Variants in SMYD4 observed in about 807,000 individuals in gnomAD.
SMYD4 encodes SET and MYND domain containing 4.
A neutral mutation model predicts 72.8 loss-of-function variants in SMYD4; 68 were observed. The ratio of observed to expected loss-of-function variants is 0.93; its 90% CI spans 0.77 to 1.14. SMYD4 has a LOEUF of 1.14. SMYD4 is among the 50% of genes most tolerant of loss of function. The probability of loss-of-function intolerance (pLI) is 0.00; values close to 1 mark genes in which losing one functional copy is unlikely to be tolerated. For missense variants in SMYD4, 984 were observed against 1,003.7 expected (o/e 0.98, Z 0.27); for synonymous variants, 407 against 388.6 (o/e 1.05, Z -0.56).
intron 5 of SMYD4, among the ~76,000 whole-genome samples, chr17:1,793,693 G>A (rs572752624): frequency 2.6e-4 from 40 of 152,138 alleles, no homozygotes; most frequent in South Asian, 8.3e-4. Context: ...AACTTATAGG[G>A]ATGGGAGAAA....
chr17:1,790,315 T>C (rs554590232), intron 5 of SMYD4, among the ~76,000 whole-genome samples: 3 of 152,328 alleles, frequency 2.0e-5, no homozygotes, highest in South Asian at 4.1e-4. Context: ...AATAGCTCTC[T>C]AATTATTTCT....
chr17:1,817,000 T>TGTGG (rs1383593419), intron 2 of SMYD4, among the ~76,000 whole-genome samples: 1 of 152,068 alleles, frequency 6.6e-6, no homozygotes, highest in Non-Finnish European at 1.5e-5. Flanking sequence ...TCTCCCATTC[T>TGTGG]GTGGGTTATC....
rs1597361032 is a variant in SMYD4, at chr17:1,781,074, C to T, written c.*212G>A. 6 of 446,064 alleles carry T rather than the reference C, an allele frequency of 1.3e-5. No individual in the cohort carries two copies. The East Asian group carries it at 3.2e-4, about 24-fold the overall frequency. 27.6% of individuals were successfully genotyped at this position (446,064 alleles called of 1,614,324 possible). A position where few individuals can be genotyped will look rare whatever the true frequency, so the allele number is the denominator to read the frequency against. On this transcript the variant is annotated 3_prime_UTR_variant, in exon 11 of 11. Coordinates refer to ENST00000305513, the MANE Select transcript of SMYD4 (RefSeq NM_052928.3). ...AGCTGGGATTACAGGTGCCCACCAC[C>T]ACGCCTGGCTAGTTTTTTGTATTTT... is the stretch of plus-strand genomic sequence containing the variant.
intron 7 of SMYD4, among the ~76,000 whole-genome samples, chr17:1,786,309 C>G (rs765511424): frequency 5.3e-5 from 8 of 152,224 alleles, no homozygotes; most frequent in Non-Finnish European, 1.2e-4. Flanking sequence ...GAAAATGAAG[C>G]TGAGAGGGGT....
At chr17:1,786,196 G>T (rs1182172649) in intron 7 of SMYD4, among the ~76,000 whole-genome samples, 1 of 152,162 alleles carries the variant, frequency 6.6e-6, no homozygotes, top group African/African-American at 2.4e-5. Context: ...TGTTTGAGTG[G>T]CATGTGCTCT....
chr17:1,828,140 G>A (rs1319592464), intron 1 of SMYD4, 134 bp from the exon 2 acceptor site: 2 of 734,850 alleles, frequency 2.7e-6, no homozygotes, highest in Non-Finnish European at 4.3e-6. Context: ...CACGAGGTCA[G>A]GAGATGGAGA....
chr17:1,781,631 A>G (rs1908369677), intron 10 of SMYD4, 192 bp from the exon 11 acceptor site: 5 of 490,622 alleles, frequency 1.0e-5, no homozygotes, highest in Non-Finnish European at 1.7e-5. Flanking sequence ...TATAAAAGAT[A>G]GTATAGACGC....
chr17:1,813,445 T>C (rs746164796), intron 2 of SMYD4, among the ~76,000 whole-genome samples: 6 of 151,744 alleles, frequency 4.0e-5, no homozygotes, highest in Admixed American at 6.6e-5. Context: ...GGAGACAGAG[T>C]CTCACTTTGT....
chr17:1,822,505 C>T (rs1910948306), intron 2 of SMYD4, among the ~76,000 whole-genome samples: 1 of 152,176 alleles, frequency 6.6e-6, no homozygotes, highest in Non-Finnish European at 1.5e-5. Flanking sequence ...ATAATTCCTA[C>T]ATTATATAAG....
At chr17:1,791,548 AAG>A in intron 5 of SMYD4, among the ~76,000 whole-genome samples, 1 of 152,338 alleles carries the variant, frequency 6.6e-6, no homozygotes, top group Middle Eastern at 3.4e-3. Flanking sequence ...GGGATATAAC[AAG>A]ATTAGAAATA....
intron 2 of SMYD4, among the ~76,000 whole-genome samples, chr17:1,821,516 AAAAAAC>A (rs1443945072): frequency 3.9e-5 from 6 of 152,202 alleles, no homozygotes; most frequent in African/African-American, 1.4e-4. Flanking sequence ...CTCTGTCTCA[AAAAAAC>A]AAAAACAAAA....
At chr17:1,788,372 A>T (rs990491081) in intron 5 of SMYD4, among the ~76,000 whole-genome samples, 6 of 152,088 alleles carry the variant, frequency 3.9e-5, no homozygotes, top group Admixed American at 1.3e-4. Flanking sequence ...ATAAAAATTT[A>T]AAAAAAGTTT....
At chr17:1,824,525 C>A (rs1472532606) in intron 2 of SMYD4, among the ~76,000 whole-genome samples, 1 of 152,072 alleles carries the variant, frequency 6.6e-6, no homozygotes, top group African/African-American at 2.4e-5. Context: ...GTCGGAGGGA[C>A]CTGATGGGAG....
At chr17:1,806,461 T>C (rs1295803056) in intron 3 of SMYD4, among the ~76,000 whole-genome samples, 1 of 152,110 alleles carries the variant, frequency 6.6e-6, no homozygotes, top group East Asian at 1.9e-4. Flanking sequence ...TTCCTACAGA[T>C]CACTAAGATG....
rs1460229264 is a variant in SMYD4 at position 1,786,792 on chromosome 17, G to A, written c.1884+18C>T. 3 of 1,613,932 alleles carry A rather than the reference G, an allele frequency of 1.9e-6. No homozygotes were observed. The highest frequency in any genetic ancestry group is 2.5e-6 in the Non-Finnish European group (3 of 1,179,898). On this transcript the variant is annotated intron_variant, in intron 7 of 10. Coordinates refer to ENST00000305513, the MANE Select transcript of SMYD4 (RefSeq NM_052928.3). ...ACTGACCTCCAGGAAAAGTGGAGGA[G>A]ACAGAAGAGAGAATTACCTGCATGG...
At position 1,806,073 on chromosome 17, in the gene SMYD4, C is replaced by G. The variant is rs180725780; in HGVS notation, c.280-1358G>C. On this transcript the variant is annotated intron_variant, in intron 3 of 10. Transcript: ENST00000305513. ...CCGAGTAGCTGGGACTACAGGCGCCCGCCACCACGCCTGGCCAATTTTTTG... is the reference window on the plus strand; with the variant it reads ...CCGAGTAGCTGGGACTACAGGCGCCGGCCACCACGCCTGGCCAATTTTTTG... Among the ~76,000 whole-genome samples, 1,206 of 151,718 alleles carry G rather than the reference C, an allele frequency of 7.9e-3. 10 individuals carry two copies. Among genetic ancestry groups the G allele is most frequent in the South Asian group, 0.028 (132 of 4,790 alleles).
chr17:1,807,443 AC>A (rs1346898562), intron 3 of SMYD4, among the ~76,000 whole-genome samples: 1 of 150,500 alleles, frequency 6.6e-6, no homozygotes, highest in Non-Finnish European at 1.5e-5. Context: ...CACACCGGCA[AC>A]CCCGCACCAG....
chr17:1,789,218 T>C (rs2151222445), intron 5 of SMYD4, among the ~76,000 whole-genome samples: 1 of 151,442 alleles, frequency 6.6e-6, no homozygotes, highest in South Asian at 2.1e-4. Flanking sequence ...CAAAACCCTG[T>C]CTCTACTAAA....
chr17:1,789,391 C>T (rs1001746096), intron 5 of SMYD4, among the ~76,000 whole-genome samples: 1 of 147,526 alleles, frequency 6.8e-6, no homozygotes, highest in Non-Finnish European at 1.5e-5. Context: ...TCTCGCAAAA[C>T]AAAAAAAACA....
Sources: allele counts gnomAD v4.1 joint callset (sites outside exome capture counted in the v4.1 genomes callset), GRCh38; gene constraint gnomAD v4.1.1; transcripts MANE v1.5; gene names NCBI Gene and HGNC (gene_info 2026-07-23, HGNC 2026-07-21).